Variants in MCUB observed in about 807,000 individuals in gnomAD.
MCUB encodes the protein mitochondrial calcium uniporter dominant negative subunit beta.
MCUB carries 46 observed loss-of-function variants against 41.4 expected under a neutral mutation model. The ratio of observed to expected loss-of-function variants is 1.11; its 90% CI spans 0.88 to 1.42. The LOEUF is 1.42. Among genes scored for constraint, MCUB ranks in the 40% most tolerant of loss-of-function variants. MCUB has a pLI of 0.00. For missense variants in MCUB, 403 were observed against 404.9 expected (o/e 1.00, Z 0.04); for synonymous variants, 148 against 148.2 (o/e 1.00, Z 0.01).
At chr4:109,628,673 G>C (rs1486248585) in intron 1 of MCUB, among the ~76,000 whole-genome samples, 2 of 152,242 alleles carry the variant, frequency 1.3e-5, no homozygotes, top group Non-Finnish European at 2.9e-5. Flanking sequence ...GCAGCTGGGT[G>C]TATGGCGGTA....
At position 109,589,699 on chromosome 4, in the gene MCUB, C is replaced by G. The variant is rs142269554; in HGVS notation, c.99+29263C>G. 5.8e-3 allele frequency among the ~76,000 whole-genome samples: 885 copies of G among 152,288 alleles called. 29 individuals are homozygous for G. In the South Asian group the frequency reaches 0.072, roughly 12 times the overall value. On this transcript the variant is annotated intron_variant, in intron 1 of 7. Transcript: ENST00000394650. ...TTTCTGGTGATGGTTTTTTCTCTCTCTCTCCTTCCTTTTAGATCTGACCAG... is the reference window on the plus strand; with the variant it reads ...TTTCTGGTGATGGTTTTTTCTCTCTGTCTCCTTCCTTTTAGATCTGACCAG...
chr4:109,647,712 A>T (rs1367843130), intron 1 of MCUB, among the ~76,000 whole-genome samples: 1 of 151,050 alleles, frequency 6.6e-6, no homozygotes, highest in Non-Finnish European at 1.5e-5. Flanking sequence ...CCACATGGAG[A>T]TTAAGTAATC....
intron 1 of MCUB, among the ~76,000 whole-genome samples, chr4:109,620,337 G>A (rs1579069288): frequency 1.3e-5 from 2 of 151,804 alleles, no homozygotes; most frequent in Admixed American, 1.3e-4. Flanking sequence ...ATGGCACACT[G>A]TGGGCAGGAA....
At chr4:109,655,631 T>C (rs774110580) in intron 1 of MCUB, among the ~76,000 whole-genome samples, 57 of 152,216 alleles carry the variant, frequency 3.7e-4, no homozygotes, top group Non-Finnish European at 5.9e-4. Context: ...AAATCATCTT[T>C]TGCCCTGATA....
chr4:109,650,161 G>T (rs1203803885), intron 1 of MCUB, among the ~76,000 whole-genome samples: 4 of 152,104 alleles, frequency 2.6e-5, no homozygotes, highest in African/African-American at 9.7e-5. Flanking sequence ...ATTCAGCTCT[G>T]CATGCATGAT....
intron 1 of MCUB, among the ~76,000 whole-genome samples, chr4:109,573,322 G>A (rs1181360974): frequency 6.6e-6 from 1 of 152,006 alleles, no homozygotes; most frequent in East Asian, 1.9e-4. Context: ...GCGTGGTGGT[G>A]GGCACCTGTA....
intron 1 of MCUB, among the ~76,000 whole-genome samples, chr4:109,657,596 C>G (rs796407930): frequency 3.0e-4 from 46 of 152,332 alleles, no homozygotes; most frequent in African/African-American, 1.1e-3. Context: ...TATGTTACAG[C>G]CACCGTGTTG....
intron 1 of MCUB, among the ~76,000 whole-genome samples, chr4:109,641,119 G>A (rs1728703754): frequency 1.3e-5 from 2 of 150,652 alleles, no homozygotes; most frequent in Admixed American, 6.6e-5. Flanking sequence ...TGTTTTTTTT[G>A]TTTAGAGGAG....
At position 109,573,305 on chromosome 4, in the gene MCUB, T is replaced by G. The variant is rs772263994; in HGVS notation, c.99+12869T>G. ...ATCTCTACTAAAAATACAAAAAAAT[T>G]AGCCACGCGTGGTGGTGGGCACCTG... On this transcript the variant is annotated intron_variant, in intron 1 of 7. Transcript: ENST00000394650. Among the ~76,000 whole-genome samples the G allele has an allele frequency of 6.7e-4, 102 of 152,100 alleles. No individual in the cohort carries two copies. The Middle Eastern group carries it at 0.027, about 41-fold the overall frequency.
intron 4 of MCUB, among the ~76,000 whole-genome samples, chr4:109,675,131 A>G (rs1579095338): frequency 6.6e-6 from 1 of 152,258 alleles, no homozygotes; most frequent in East Asian, 1.9e-4. Context: ...ATTCTCTCTC[A>G]TTTTTGGCCT....
chr4:109,682,053 A>G (rs774484920), intron 4 of MCUB, among the ~76,000 whole-genome samples: 64 of 135,546 alleles, frequency 4.7e-4, no homozygotes, highest in Middle Eastern at 3.4e-3. Context: ...GTTTTTGCCT[A>G]ATTAGCATTT....
chr4:109,648,007 C>T (rs1177196721), intron 1 of MCUB, among the ~76,000 whole-genome samples: 1 of 152,136 alleles, frequency 6.6e-6, no homozygotes, highest in East Asian at 1.9e-4. Flanking sequence ...TAGGTATTTC[C>T]ATTACAAACA....
At position 109,687,666 on chromosome 4, in the gene MCUB, T is replaced by C; in HGVS notation, c.*74T>C. 1.2e-6 allele frequency: 1 copy of C among 856,222 alleles called. No homozygotes were observed. The highest frequency in any genetic ancestry group is 2.0e-5 in the Admixed American group (1 of 49,180). The allele number at this position is 856,222 out of a possible 1,614,324, so 53.0% of individuals were successfully genotyped here. A position where few individuals can be genotyped will look rare whatever the true frequency, so the allele number is the denominator to read the frequency against. The stretch of plus-strand genomic sequence containing the variant: ...CAACTTAGGATGTTTTTGAGTCCCA[T>C]GGTTCATTTTGATTGTTTAATCTTT... On this transcript the variant is annotated 3_prime_UTR_variant, in exon 8 of 8. Transcript: ENST00000394650.
chr4:109,670,846 C>T (rs999868546), intron 4 of MCUB, among the ~76,000 whole-genome samples: 1 of 151,982 alleles, frequency 6.6e-6, no homozygotes, highest in South Asian at 2.1e-4. Flanking sequence ...TAGTAGAGCT[C>T]CTAGAAGTGA....
At chr4:109,587,407 G>C (rs1207757580) in intron 1 of MCUB, among the ~76,000 whole-genome samples, 1 of 151,818 alleles carries the variant, frequency 6.6e-6, no homozygotes, top group Non-Finnish European at 1.5e-5. Context: ...CTGACCCCTT[G>C]TGCTTCCCGG....
intron 1 of MCUB, among the ~76,000 whole-genome samples, chr4:109,577,765 C>T (rs565173001): frequency 0.011 from 937 of 81,652 alleles, 321 homozygotes; most frequent in Non-Finnish European, 0.02. Flanking sequence ...CGCCCGCCAC[C>T]TCGCCCGGCT....
chr4:109,668,322 TAGG>T (rs35983808), intron 4 of MCUB, among the ~76,000 whole-genome samples: 1,627 of 152,232 alleles, frequency 0.011, 33 homozygotes, highest in African/African-American at 0.037. Flanking sequence ...GATGCTGTGT[TAGG>T]AGCATACACA....
At chr4:109,597,131 T>A (rs1246967555) in intron 1 of MCUB, among the ~76,000 whole-genome samples, 1 of 151,710 alleles carries the variant, frequency 6.6e-6, no homozygotes, top group African/African-American at 2.4e-5. Flanking sequence ...CATGTCTACT[T>A]CTTTCTACAC....
At chr4:109,586,280 G>T (rs28794271) in intron 1 of MCUB, among the ~76,000 whole-genome samples, 1 of 152,050 alleles carries the variant, frequency 6.6e-6, no homozygotes, top group Non-Finnish European at 1.5e-5. Context: ...CATGGTTCTC[G>T]TGCCATGGTT....
Sources: gnomAD v4.1 joint callset for allele counts (sites outside exome capture counted in the v4.1 genomes callset) on GRCh38, gnomAD v4.1.1 for gene constraint, MANE v1.5 for transcripts, NCBI Gene and HGNC (gene_info 2026-07-23, HGNC 2026-07-21) for gene names.